The following MYT1L variants were observed in gnomAD, a reference collection of about 807,000 sequenced individuals.
MYT1L encodes the protein myelin transcription factor 1-like protein.
In MYT1L, 12 loss-of-function variants were observed where a neutral mutation model predicts 126.7. The ratio of observed to expected loss-of-function variants is 0.09; its 90% confidence interval spans 0.06 to 0.15. The LOEUF is 0.15. Ranked by LOEUF, MYT1L falls within the 10% of genes least tolerant of loss-of-function variation. The pLI is 1.00. For synonymous variants in MYT1L, 541 were observed against 604.2 expected (o/e 0.90, Z 1.53); for missense variants, 979 against 1,585.2 (o/e 0.62, Z 6.49).
chr2:1,992,987 A>C (rs1387431088), intron 5 of MYT1L, among the ~76,000 whole-genome samples: 1 of 152,114 alleles, frequency 6.6e-6, no homozygotes, highest in Non-Finnish European at 1.5e-5. Flanking sequence ...CCAGGAACTG[A>C]CTGAGCGCAA....
chr2:2,079,384 A>T (rs920991192), intron 3 of MYT1L, among the ~76,000 whole-genome samples: 3 of 152,252 alleles, frequency 2.0e-5, no homozygotes, highest in African/African-American at 7.2e-5. Context: ...AGATCAGAAT[A>T]TTTAACATTA....
intron 4 of MYT1L, among the ~76,000 whole-genome samples, chr2:2,031,766 T>G (rs2066300300): frequency 6.9e-6 from 1 of 145,136 alleles, no homozygotes; most frequent in Non-Finnish European, 1.5e-5. Context: ...AAGGAGGGCC[T>G]TATACACACC....
At chr2:1,898,551 C>T (rs1365402395) in intron 14 of MYT1L, among the ~76,000 whole-genome samples, 1 of 152,192 alleles carries the variant, frequency 6.6e-6, no homozygotes, top group Non-Finnish European at 1.5e-5. Context: ...TGCCCTGGCC[C>T]TAGAGGGTGG....
intron 2 of MYT1L, among the ~76,000 whole-genome samples, chr2:2,276,085 T>C (rs1429471353): frequency 1.3e-5 from 2 of 152,214 alleles, no homozygotes; most frequent in East Asian, 1.9e-4. Flanking sequence ...GCTCTGTGCC[T>C]GGACCACCTG....
rs752081701 is a variant in MYT1L at position 1,889,400 on chromosome 2, G to A, written c.2361C>T (p.Cys787=). ...TGGGCTCCAGAGGGGTCAGGATGGG[G>A]CAGCAGCTGTCCCGCGGCCTCTGCT... ...MNKQRPRDSC[C]PILTPLEPMS... The change falls in exon 16 of 25, where the codon TGC becomes TGT. Residue 787 remains cysteine, a synonymous_variant. Transcript: ENST00000647738. This position sits in a 1 kb window ranked among gnomAD's most constrained non-coding sequence, Gnocchi z 4.1. The A allele has an allele frequency of 1.2e-6, 2 of 1,613,918 alleles. No individual in the cohort carries two copies. Among genetic ancestry groups the A allele is most frequent in the Admixed American group, 1.7e-5 (1 of 60,014 alleles).
intron 2 of MYT1L, among the ~76,000 whole-genome samples, chr2:2,227,773 A>G (rs1305411176): frequency 6.6e-6 from 1 of 152,232 alleles, no homozygotes; most frequent in Admixed American, 6.5e-5. Flanking sequence ...AAACCCCTGC[A>G]TCATGTACTT....
intron 2 of MYT1L, among the ~76,000 whole-genome samples, chr2:2,178,770 G>C (rs1013529798): frequency 1.3e-5 from 2 of 152,134 alleles, no homozygotes; most frequent in Non-Finnish European, 2.9e-5. Flanking sequence ...TTTAGATTTG[G>C]TCATTGAAGT....
intron 18 of MYT1L, among the ~76,000 whole-genome samples, chr2:1,882,143 TA>T (rs1321412271): frequency 6.6e-6 from 1 of 152,170 alleles, no homozygotes; most frequent in African/African-American, 2.4e-5. Flanking sequence ...TCAGGCACCC[TA>T]CAAGCCTGCA....
intron 3 of MYT1L, among the ~76,000 whole-genome samples, chr2:2,147,806 G>T (rs2085110018): frequency 6.6e-6 from 1 of 152,218 alleles, no homozygotes. Context: ...CCGTCCACCT[G>T]GGAGCCCCGC....
At chr2:1,817,953 T>C (rs1474282064) in intron 21 of MYT1L, among the ~76,000 whole-genome samples, 1 of 152,118 alleles carries the variant, frequency 6.6e-6, no homozygotes, top group East Asian at 1.9e-4. Flanking sequence ...GGGCAGCAAG[T>C]AGTTAGGCGG....
At chr2:2,188,693 A>T (rs953898080) in intron 2 of MYT1L, among the ~76,000 whole-genome samples, 1 of 151,872 alleles carries the variant, frequency 6.6e-6, no homozygotes, top group Non-Finnish European at 1.5e-5. Context: ...CTTCCTGGGG[A>T]TCTGTCTCGG....
At chr2:1,863,746 G>A (rs2045054437) in intron 18 of MYT1L, among the ~76,000 whole-genome samples, 1 of 150,352 alleles carries the variant, frequency 6.7e-6, no homozygotes, top group Admixed American at 6.6e-5. Context: ...AAAAAAGGGG[G>A]GGGCATTTGG....
rs149279501 is a variant in MYT1L at position 2,113,547 on chromosome 2, C to T, written c.-304+59325G>A. Among the ~76,000 whole-genome samples, 48 of 152,312 alleles carry T rather than the reference C, an allele frequency of 3.2e-4. No homozygotes were observed. The East Asian group carries it at 8.1e-3, about 26-fold the overall frequency. ...GTAAGGTGGGGCCCGCAGGCTTCCC[C>T]AGCCTGGTCCATCTCACTCTCCTCA... On this transcript the variant is annotated intron_variant, in intron 3 of 24. Coordinates refer to ENST00000647738, the MANE Select transcript of MYT1L (RefSeq NM_001303052.2).
intron 2 of MYT1L, among the ~76,000 whole-genome samples, chr2:2,186,673 G>A (rs937216626): frequency 1.3e-5 from 2 of 152,192 alleles, no homozygotes; most frequent in African/African-American, 4.8e-5. Context: ...TTTTCTGGAT[G>A]CCTACACTTA....
At chr2:2,328,874 A>T (rs1484525952) in intron 1 of MYT1L, among the ~76,000 whole-genome samples, 1 of 152,236 alleles carries the variant, frequency 6.6e-6, no homozygotes, top group African/African-American at 2.4e-5. Context: ...AAAATGTTCA[A>T]GTATAGATAT....
intron 10 of MYT1L, among the ~76,000 whole-genome samples, chr2:1,920,817 A>G (rs963210579): frequency 6.6e-6 from 1 of 152,218 alleles, no homozygotes; most frequent in Non-Finnish European, 1.5e-5. Flanking sequence ...TCAGGCCTGA[A>G]GCTCTACTGA....
intron 18 of MYT1L, among the ~76,000 whole-genome samples, chr2:1,865,580 C>T (rs192723724): frequency 6.6e-6 from 1 of 152,238 alleles, no homozygotes; most frequent in African/African-American, 2.4e-5. Context: ...AGCTCCCCCT[C>T]CTTGTTTTTT....
At chr2:2,232,942 C>T (rs1046800176) in intron 2 of MYT1L, among the ~76,000 whole-genome samples, 1 of 152,142 alleles carries the variant, frequency 6.6e-6, no homozygotes, top group African/African-American at 2.4e-5. Context: ...TCTGGACCTT[C>T]AGAGGTCTCT....
chr2:2,001,083 GC>G (rs1054811148), intron 4 of MYT1L, among the ~76,000 whole-genome samples: 1 of 151,942 alleles, frequency 6.6e-6, no homozygotes, highest in Non-Finnish European at 1.5e-5. Context: ...TGACATTCGT[GC>G]CCCCATACAA....
Sources: allele counts gnomAD v4.1 joint callset (sites outside exome capture counted in the v4.1 genomes callset), GRCh38; gene constraint gnomAD v4.1.1; non-coding constraint Gnocchi (gnomAD v3.1); transcripts MANE v1.5; gene names NCBI Gene and HGNC (gene_info 2026-07-23, HGNC 2026-07-21).